Variants in MYT1L observed in about 807,000 individuals in gnomAD.
MYT1L encodes myelin transcription factor 1-like protein.
A neutral mutation model predicts 126.7 loss-of-function variants in MYT1L; 12 were observed. The ratio of observed to expected loss-of-function variants is 0.09; its 90% CI spans 0.06 to 0.15. The LOEUF is 0.15. Among genes scored for constraint, MYT1L ranks in the 10% least tolerant of loss-of-function variants. The pLI is 1.00. For synonymous variants in MYT1L, 541 were observed against 604.2 expected, an observed-to-expected ratio of 0.90 and a Z score of 1.53; for missense variants, 979 against 1,585.2, an observed-to-expected ratio of 0.62 and a Z score of 6.49.
At chr2:2,088,108 G>A (rs1254889364) in intron 3 of MYT1L, among the ~76,000 whole-genome samples, 2 of 152,236 alleles carry the variant, frequency 1.3e-5, no homozygotes, top group Non-Finnish European at 2.9e-5. Flanking sequence ...CGGCACATGA[G>A]TGTGGCTCGT....
intron 8 of MYT1L, among the ~76,000 whole-genome samples, chr2:1,956,207 AT>A (rs2058346453): frequency 7.0e-6 from 1 of 143,582 alleles, no homozygotes; most frequent in Non-Finnish European, 1.5e-5. Context: ...CTATCTATCT[AT>A]CTATCTATCT....
At chr2:2,099,347 T>G (rs181696953) in intron 3 of MYT1L, among the ~76,000 whole-genome samples, 31 of 152,180 alleles carry the variant, frequency 2.0e-4, no homozygotes, top group African/African-American at 7.0e-4. Context: ...GTCATTTGTT[T>G]TTTTTTTTTC....
chr2:2,152,251 T>C (rs1367045396), intron 3 of MYT1L, among the ~76,000 whole-genome samples: 1 of 152,244 alleles, frequency 6.6e-6, no homozygotes, highest in East Asian at 1.9e-4. Context: ...CCACAGGGCG[T>C]GCACACGCTG....
chr2:2,023,057 G>A (rs1047904211), intron 4 of MYT1L, among the ~76,000 whole-genome samples: 9 of 152,200 alleles, frequency 5.9e-5, no homozygotes, highest in East Asian at 3.9e-4. Context: ...TACTGACAAA[G>A]GTGTGCTGCC....
At chr2:2,254,588 T>C (rs1305218898) in intron 2 of MYT1L, among the ~76,000 whole-genome samples, 1 of 152,252 alleles carries the variant, frequency 6.6e-6, no homozygotes, top group African/African-American at 2.4e-5. Context: ...CTTACAGCAC[T>C]GGCTGCCACA....
At chr2:2,271,044 C>G (rs753520771) in intron 2 of MYT1L, among the ~76,000 whole-genome samples, 1 of 152,182 alleles carries the variant, frequency 6.6e-6, no homozygotes, top group Non-Finnish European at 1.5e-5. Flanking sequence ...CTTGCTGGCT[C>G]GAGAGGTCCC....
chr2:2,201,847 C>T (rs1229570637), intron 2 of MYT1L, among the ~76,000 whole-genome samples: 2 of 152,122 alleles, frequency 1.3e-5, no homozygotes, highest in Admixed American at 1.3e-4. Context: ...ATTTCCAAGC[C>T]TTATATTTAA....
intron 23 of MYT1L, among the ~76,000 whole-genome samples, chr2:1,795,325 A>G (rs1053047510): frequency 1.3e-5 from 2 of 152,214 alleles, no homozygotes; most frequent in Non-Finnish European, 2.9e-5. Flanking sequence ...AGGGGCCCAG[A>G]GTAAAGGGGA....
At chr2:1,802,069 G>A in intron 22 of MYT1L, 1 of 328,570 alleles carries the variant, frequency 3.0e-6, no homozygotes, top group South Asian at 4.1e-5. Flanking sequence ...AGCTCCCAGG[G>A]ACAGTTAACC....
intron 4 of MYT1L, among the ~76,000 whole-genome samples, chr2:2,005,245 G>GGCGTTCTTTCCTGTAT (rs1558707023): frequency 1.6e-5 from 2 of 127,898 alleles, no homozygotes; most frequent in Non-Finnish European, 3.3e-5. Flanking sequence ...CTCTCCTGCA[G>GGCGTTCTTTCCTGTAT]GCGTTCTTTC....
At chr2:2,077,950 G>A (rs112311804) in intron 3 of MYT1L, among the ~76,000 whole-genome samples, 2,745 of 152,212 alleles carry the variant, frequency 0.018, 81 homozygotes, top group African/African-American at 0.062. Context: ...TCTTCTATAC[G>A]TTTTAAAAGA....
intron 2 of MYT1L, among the ~76,000 whole-genome samples, chr2:2,262,608 G>T (rs558867193): frequency 2.0e-5 from 3 of 148,010 alleles, no homozygotes; most frequent in African/African-American, 7.5e-5. Flanking sequence ...CAGCAGAATG[G>T]CATGAACCCA....
intron 2 of MYT1L, among the ~76,000 whole-genome samples, chr2:2,233,261 G>C (rs564399629): frequency 6.6e-6 from 1 of 152,354 alleles, no homozygotes; most frequent in East Asian, 1.9e-4. Flanking sequence ...AGAGAAAACA[G>C]AGCAAGGGGT....
intron 18 of MYT1L, among the ~76,000 whole-genome samples, chr2:1,876,332 C>T (rs1053498643): frequency 4.6e-5 from 7 of 152,146 alleles, no homozygotes; most frequent in African/African-American, 1.7e-4. Context: ...CGTCTGTCAA[C>T]ACCTACTGCC....
At chr2:2,037,056 T>C (rs528679856) in intron 4 of MYT1L, among the ~76,000 whole-genome samples, 90 of 152,214 alleles carry the variant, frequency 5.9e-4, no homozygotes, top group Middle Eastern at 3.4e-3. Context: ...CCTGAAATAG[T>C]CCCCCCGCTT....
At chr2:1,863,747 G>GC (rs2045055186) in intron 18 of MYT1L, among the ~76,000 whole-genome samples, 1 of 149,940 alleles carries the variant, frequency 6.7e-6, no homozygotes, top group African/African-American at 2.4e-5. Flanking sequence ...AAAAAGGGGG[G>GC]GGCATTTGGG....
intron 3 of MYT1L, among the ~76,000 whole-genome samples, chr2:2,172,150 C>T (rs1029132927): frequency 6.6e-6 from 1 of 152,132 alleles, no homozygotes; most frequent in South Asian, 2.1e-4. Context: ...TCTTGTCGAC[C>T]TCCAGCCCTA....
chr2:2,167,106 G>A (rs183630158), intron 3 of MYT1L, among the ~76,000 whole-genome samples: 1 of 152,138 alleles, frequency 6.6e-6, no homozygotes, highest in Non-Finnish European at 1.5e-5. Context: ...GGTAACCAGG[G>A]TTTAAAGGGC....
chr2:1,939,172 C>T (rs972370426), intron 9 of MYT1L, among the ~76,000 whole-genome samples: 4 of 152,178 alleles, frequency 2.6e-5, no homozygotes, highest in East Asian at 1.9e-4. Flanking sequence ...AGGATGGGCG[C>T]GGGAGTCACA....
Sources: allele counts gnomAD v4.1 joint callset (sites outside exome capture counted in the v4.1 genomes callset), GRCh38; gene constraint gnomAD v4.1.1; transcripts MANE v1.5; gene names NCBI Gene and HGNC (gene_info 2026-07-23, HGNC 2026-07-21).